The following CDH13 variants were observed in gnomAD, a reference collection of about 807,000 sequenced individuals.
CDH13 encodes the protein cadherin-13.
CDH13 carries 24 observed loss-of-function variants against 63.8 expected under a neutral mutation model. The ratio of observed to expected loss-of-function variants is 0.38; its 90% CI spans 0.27 to 0.53. The LOEUF is 0.53. Ranked by LOEUF, CDH13 falls within the 20% of genes least tolerant of loss-of-function variation. The pLI, the probability that CDH13 is intolerant of heterozygous loss-of-function variation, is 0.85. For missense variants in CDH13, 1,049 were observed against 903.1 expected (o/e 1.16, Z -2.07); for synonymous variants, 503 against 355.3 (o/e 1.42, Z -4.67).
At chr16:83,137,879 T>TC (rs1449279718) in intron 4 of CDH13, among the ~76,000 whole-genome samples, 1 of 151,826 alleles carries the variant, frequency 6.6e-6, no homozygotes, top group African/African-American at 2.4e-5. Flanking sequence ...TAGGTTTTTT[T>TC]TTTAAGAGGG....
At chr16:82,916,000 G>T (rs924342731) in intron 2 of CDH13, among the ~76,000 whole-genome samples, 2 of 151,886 alleles carry the variant, frequency 1.3e-5, no homozygotes, top group Admixed American at 6.6e-5. Flanking sequence ...AGACTTTTGG[G>T]CTCTGTTTTA....
Position 83,157,865 on chromosome 16 carries a change from A to G in CDH13, c.483+32364A>G, listed in dbSNP as rs200171631. 3.3e-5 allele frequency among the ~76,000 whole-genome samples: 5 copies of G among 152,034 alleles called. No individual in the cohort carries two copies. The East Asian group carries it at 9.7e-4, about 29-fold the overall frequency. On this transcript the variant is annotated intron_variant, in intron 4 of 13. Coordinates refer to ENST00000567109, the MANE Select transcript of CDH13 (RefSeq NM_001257.5). ...GAGGCAGAGGTTGCAGTGAGCCAAG[A>G]TCATGCCACTGCATTCCAGCCTGGG...
chr16:83,472,654 A>C (rs1051557866), intron 6 of CDH13, among the ~76,000 whole-genome samples: 1 of 152,228 alleles, frequency 6.6e-6, no homozygotes, highest in Non-Finnish European at 1.5e-5. Flanking sequence ...TTCTAAGAGA[A>C]GAACATTGCA....
At chr16:82,913,137 A>T (rs1480107606) in intron 2 of CDH13, among the ~76,000 whole-genome samples, 2 of 152,078 alleles carry the variant, frequency 1.3e-5, no homozygotes, top group African/African-American at 4.8e-5. Flanking sequence ...TTCTTAAAAA[A>T]CTCAGTAGAA....
intron 5 of CDH13, among the ~76,000 whole-genome samples, chr16:83,221,327 A>G (rs1476301973): frequency 6.6e-6 from 1 of 152,118 alleles, no homozygotes; most frequent in Non-Finnish European, 1.5e-5. Flanking sequence ...GCCCCCAGAA[A>G]AACTTCCCCA....
intron 10 of CDH13, among the ~76,000 whole-genome samples, chr16:83,694,762 A>G (rs1256708747): frequency 6.6e-6 from 1 of 152,168 alleles, no homozygotes; most frequent in East Asian, 1.9e-4. Context: ...CCATCAGGGC[A>G]AGAGAAGGCA....
chr16:82,894,428 A>G (rs1326652230), intron 2 of CDH13, among the ~76,000 whole-genome samples: 1 of 152,120 alleles, frequency 6.6e-6, no homozygotes, highest in Non-Finnish European at 1.5e-5. Flanking sequence ...GATCACCTGA[A>G]GTCAAGAGTT....
intron 6 of CDH13, among the ~76,000 whole-genome samples, chr16:83,453,719 G>A (rs943982819): frequency 3.9e-5 from 6 of 152,176 alleles, no homozygotes; most frequent in South Asian, 4.2e-4. Context: ...CCGTACTCCC[G>A]AACTTGTTTA....
chr16:82,661,991 A>C (rs1186024094), intron 1 of CDH13, among the ~76,000 whole-genome samples: 3 of 152,246 alleles, frequency 2.0e-5, no homozygotes, highest in Non-Finnish European at 2.9e-5. Context: ...GAGGAATTTT[A>C]AGGGCTCCTT....
At chr16:82,722,771 C>G (rs2032859999) in intron 1 of CDH13, among the ~76,000 whole-genome samples, 1 of 152,084 alleles carries the variant, frequency 6.6e-6, no homozygotes, top group African/African-American at 2.4e-5. Flanking sequence ...AGTTCCTATC[C>G]CCAAGATGCT....
chr16:83,041,685 A>G (rs907691845), intron 3 of CDH13, among the ~76,000 whole-genome samples: 1 of 152,148 alleles, frequency 6.6e-6, no homozygotes, highest in East Asian at 1.9e-4. Flanking sequence ...ATTTTTGTGG[A>G]TGATACTAAG....
intron 6 of CDH13, among the ~76,000 whole-genome samples, chr16:83,412,476 A>C (rs1339136028): frequency 1.3e-5 from 2 of 152,206 alleles, no homozygotes; most frequent in Non-Finnish European, 2.9e-5. Context: ...AATAAAAATA[A>C]AAATGAATAA....
chr16:83,008,471 C>T (rs1385352149), intron 2 of CDH13, among the ~76,000 whole-genome samples: 1 of 152,154 alleles, frequency 6.6e-6, no homozygotes, highest in Non-Finnish European at 1.5e-5. Context: ...CCAGTGGGGC[C>T]GAGTGACTGA....
intron 1 of CDH13, among the ~76,000 whole-genome samples, chr16:82,797,089 A>C (rs1381117594): frequency 6.6e-6 from 1 of 152,148 alleles, no homozygotes; most frequent in Admixed American, 6.5e-5. Context: ...CTAAAATTTG[A>C]CCTCAAAGCT....
intron 2 of CDH13, among the ~76,000 whole-genome samples, chr16:82,880,890 A>C (rs980509146): frequency 6.6e-6 from 1 of 152,174 alleles, no homozygotes; most frequent in Non-Finnish European, 1.5e-5. Context: ...TACCATTTGT[A>C]AATCAGATTA....
At chr16:83,508,334 C>T (rs971036156) in intron 7 of CDH13, 14 of 154,578 alleles carry the variant, frequency 9.1e-5, no homozygotes, top group Middle Eastern at 5.6e-4. Flanking sequence ...AGAAGTTTTG[C>T]GTTGCCCCAT....
chr16:83,670,718 C>T (rs1281914325), intron 8 of CDH13, 72 bp from the exon 9 acceptor site: 2 of 1,309,206 alleles, frequency 1.5e-6, no homozygotes, highest in Non-Finnish European at 1.1e-6. Flanking sequence ...TGTAACATAC[C>T]CAATGCAAAG....
chr16:82,736,440 C>A (rs768120064), intron 1 of CDH13, among the ~76,000 whole-genome samples: 1 of 152,104 alleles, frequency 6.6e-6, no homozygotes, highest in Non-Finnish European at 1.5e-5. Context: ...TGCTAGCCTT[C>A]CCAGATGCAT....
At chr16:83,295,186 A>G (rs189829228) in intron 5 of CDH13, among the ~76,000 whole-genome samples, 17 of 152,308 alleles carry the variant, frequency 1.1e-4, no homozygotes, top group African/African-American at 4.1e-4. Flanking sequence ...ATGCAGAAGA[A>G]TGAAATTGGA....
Sources: allele counts gnomAD v4.1 joint callset (sites outside exome capture counted in the v4.1 genomes callset), GRCh38; gene constraint gnomAD v4.1.1; transcripts MANE v1.5; gene names NCBI Gene and HGNC (gene_info 2026-07-23, HGNC 2026-07-21).